NAV3: variants seen among roughly 807,000 people sequenced by gnomAD.
The protein encoded by NAV3 is pore membrane and/or filament interacting like protein 1.
NAV3 carries 87 observed loss-of-function variants against 244.7 expected under a neutral mutation model. That is an observed-to-expected ratio of 0.36 (90% CI 0.30 to 0.42). NAV3 has a LOEUF of 0.42. Among genes scored for constraint, NAV3 ranks in the 20% least tolerant of loss-of-function variants. The pLI, the probability that NAV3 is intolerant of heterozygous loss-of-function variation, is 1.00. For missense variants in NAV3, 2,663 were observed against 2,893.3 expected, an observed-to-expected ratio of 0.92 and a Z score of 1.83; for synonymous variants, 1,126 against 1,042.2, an observed-to-expected ratio of 1.08 and a Z score of -1.55.
chr12:78,202,519 G>A (rs145173275), intron 38 of NAV3, among the ~76,000 whole-genome samples: 1,872 of 152,046 alleles, frequency 0.012, 32 homozygotes, highest in African/African-American at 0.042. Context: ...ACATTATTTG[G>A]AGAATTATAA....
chr12:77,642,744 T>A (rs1442618544), intron 2 of NAV3, among the ~76,000 whole-genome samples: 1 of 152,070 alleles, frequency 6.6e-6, no homozygotes, highest in Non-Finnish European at 1.5e-5. Flanking sequence ...TTTGATCATT[T>A]TTTTTCTTTT....
At chr12:77,892,370 T>C (rs868525094) in intron 1 of NAV3, among the ~76,000 whole-genome samples, 4 of 152,094 alleles carry the variant, frequency 2.6e-5, no homozygotes, top group African/African-American at 7.2e-5. Flanking sequence ...TCACCAAGGG[T>C]TTCCTCAAAT....
intron 12 of NAV3, among the ~76,000 whole-genome samples, chr12:78,112,964 C>A (rs1955177894): frequency 6.6e-6 from 1 of 152,180 alleles, no homozygotes; most frequent in Non-Finnish European, 1.5e-5. Context: ...TACACAGATT[C>A]CAAACGGGAG....
intron 2 of NAV3, among the ~76,000 whole-genome samples, chr12:77,714,735 G>A (rs1876283894): frequency 1.3e-5 from 2 of 151,962 alleles, no homozygotes; most frequent in African/African-American, 2.4e-5. Context: ...CTAATCTTAT[G>A]TCTTTCCTGG....
intron 1 of NAV3, among the ~76,000 whole-genome samples, chr12:77,906,827 C>T (rs552188670): frequency 4.6e-5 from 7 of 152,228 alleles, no homozygotes; most frequent in African/African-American, 1.4e-4. Context: ...GAACTACTAA[C>T]ATTTATATTG....
At chr12:78,180,385 AAAAG>A (rs1958449435) in intron 29 of NAV3, among the ~76,000 whole-genome samples, 2 of 152,090 alleles carry the variant, frequency 1.3e-5, no homozygotes, top group South Asian at 2.1e-4. Context: ...TGGAAGGAAA[AAAAG>A]AAACTTTTTC....
intron 1 of NAV3, among the ~76,000 whole-genome samples, chr12:77,915,754 G>C (rs1335303560): frequency 2.6e-5 from 4 of 151,858 alleles, no homozygotes; most frequent in African/African-American, 9.7e-5. Context: ...TTGCAAAATT[G>C]GTAAGGTCTT....
intron 1 of NAV3, among the ~76,000 whole-genome samples, chr12:77,936,408 G>A (rs1003398190): frequency 5.9e-5 from 9 of 152,160 alleles, no homozygotes; most frequent in South Asian, 2.1e-4. Flanking sequence ...CAAAACAGTC[G>A]AAGAAGACTG....
chr12:78,146,053 T>G (rs1250051170), intron 20 of NAV3, among the ~76,000 whole-genome samples: 6 of 152,134 alleles, frequency 3.9e-5, no homozygotes, highest in Non-Finnish European at 8.8e-5. Context: ...AGTATAATTT[T>G]ATAACTATTT....
At chr12:78,081,601 G>C (rs1953356133) in intron 12 of NAV3, among the ~76,000 whole-genome samples, 1 of 152,036 alleles carries the variant, frequency 6.6e-6, no homozygotes, top group African/African-American at 2.4e-5. Context: ...ATTCTGACCT[G>C]GATCTATTTA....
chr12:77,659,293 G>C (rs1199675651), intron 2 of NAV3, among the ~76,000 whole-genome samples: 1 of 151,284 alleles, frequency 6.6e-6, no homozygotes, highest in Non-Finnish European at 1.5e-5. Context: ...TGAAAAAGTG[G>C]GTGAAGGACA....
chr12:77,775,029 A>G (rs1293112696), intron 2 of NAV3, among the ~76,000 whole-genome samples: 2 of 152,162 alleles, frequency 1.3e-5, no homozygotes, highest in African/African-American at 2.4e-5. Flanking sequence ...AGGATAAAAT[A>G]AGTAGGCATG....
At chr12:77,877,012 ATTGTATATG>A (rs1348438885) in intron 1 of NAV3, among the ~76,000 whole-genome samples, 1 of 152,132 alleles carries the variant, frequency 6.6e-6, no homozygotes, top group East Asian at 1.9e-4. Context: ...ACCACAAAAC[ATTGTATATG>A]TTCCTTAAAC....
chr12:77,832,213 A>G (rs1873830781), intron 1 of NAV3, among the ~76,000 whole-genome samples: 1 of 152,162 alleles, frequency 6.6e-6, no homozygotes, highest in South Asian at 2.1e-4. Context: ...ATGACATACT[A>G]TTTTCCTTGA....
chr12:77,740,250 A>G (rs1437219724), intron 2 of NAV3, among the ~76,000 whole-genome samples: 1 of 152,136 alleles, frequency 6.6e-6, no homozygotes, highest in South Asian at 2.1e-4. Flanking sequence ...CAGTTCCTAT[A>G]TTTGGAATGT....
chr12:77,783,374 C>G lies in NAV3; in HGVS notation c.73-156945C>G, dbSNP rs369902344. ...TGCCAGTATCTGGCAGCCACATTCTCTTCCCACAAGATGTGCTGGAAATAT... is the reference window on the plus strand; with the variant it reads ...TGCCAGTATCTGGCAGCCACATTCTGTTCCCACAAGATGTGCTGGAAATAT... On this transcript the variant is annotated intron_variant, in intron 2 of 8. Coordinates refer to the NAV3 transcript ENST00000550042. 5 of 152,184 alleles carry G rather than the reference C, an allele frequency of 3.3e-5. No homozygotes were observed. In the East Asian group the frequency reaches 9.7e-4, roughly 30 times the overall value. The allele number at this position is 152,184 out of a possible 1,614,324, so 9.4% of individuals were successfully genotyped here.
intron 1 of NAV3, among the ~76,000 whole-genome samples, chr12:77,890,144 C>T (rs1014067337): frequency 1.1e-4 from 16 of 152,176 alleles, no homozygotes; most frequent in African/African-American, 3.9e-4. Flanking sequence ...CAAATTGAAT[C>T]AAGTCTCAGT....
At chr12:77,869,163 C>A (rs1592839573) in intron 1 of NAV3, among the ~76,000 whole-genome samples, 1 of 152,098 alleles carries the variant, frequency 6.6e-6, no homozygotes, top group African/African-American at 2.4e-5. Flanking sequence ...ATAGGCAGGG[C>A]TGATTCAGTT....
chr12:77,959,407 A>T (rs1009204613), intron 3 of NAV3, among the ~76,000 whole-genome samples: 2 of 152,102 alleles, frequency 1.3e-5, no homozygotes, highest in Non-Finnish European at 2.9e-5. Flanking sequence ...CAAAAGTGAA[A>T]GGGGCTATGA....
Sources: gnomAD v4.1 joint callset for allele counts (sites outside exome capture counted in the v4.1 genomes callset) on GRCh38, gnomAD v4.1.1 for gene constraint, MANE v1.5 for transcripts, NCBI Gene and HGNC (gene_info 2026-07-23, HGNC 2026-07-21) for gene names.